Variants in STMN2 observed in about 807,000 individuals in gnomAD.
STMN2 encodes stathmin 2.
In STMN2, 2 loss-of-function variants were observed where a neutral mutation model predicts 24.1. That is an observed-to-expected ratio of 0.08 (90% CI 0.03 to 0.26). The LOEUF (loss-of-function observed/expected upper bound fraction) is 0.26, where lower values mean the gene tolerates loss of function less well. STMN2 is among the 10% of genes least tolerant of loss of function. The pLI is 1.00. For synonymous variants in STMN2, 83 were observed against 77.5 expected, an observed-to-expected ratio of 1.07 and a Z score of -0.37; for missense variants, 114 against 213.6, an observed-to-expected ratio of 0.53 and a Z score of 2.91.
At chr8:79,627,791 A>T (rs2130323963) in intron 1 of STMN2, among the ~76,000 whole-genome samples, 1 of 152,270 alleles carries the variant, frequency 6.6e-6, no homozygotes, top group South Asian at 2.1e-4. Flanking sequence ...CCTCCACCCT[A>T]GCCCCTGGAA....
intron 1 of STMN2, among the ~76,000 whole-genome samples, chr8:79,634,700 G>A (rs1809899584): frequency 6.6e-6 from 1 of 152,158 alleles, no homozygotes; most frequent in African/African-American, 2.4e-5. Flanking sequence ...TTGTAAAATT[G>A]GTGGTGAGGT....
intron 1 of STMN2, among the ~76,000 whole-genome samples, chr8:79,634,852 C>T (rs1009997630): frequency 3.3e-5 from 5 of 152,172 alleles, no homozygotes; most frequent in Admixed American, 6.5e-5. Context: ...TGAGAATCCT[C>T]TTTCCCAAGA....
At position 79,666,019 on chromosome 8, in the gene STMN2, C is replaced by T. The variant is rs1272578052; in HGVS notation, c.*1145C>T. On this transcript the variant is annotated 3_prime_UTR_variant, in exon 5 of 5. Transcript: ENST00000220876. ...CCAGATACCCACCATAAGTACCTAT[C>T]GCAGTTTTGAAGTCGTTTCTCCCCA... is the stretch of plus-strand genomic sequence containing the variant. The T allele has an allele frequency of 6.6e-6, 1 of 152,198 alleles. No homozygotes were observed. The highest frequency in any genetic ancestry group is 2.4e-5 in the African/African-American group (1 of 41,428). The allele number at this position is 152,198 out of a possible 1,614,324, so 9.4% of individuals were successfully genotyped here. A position where few individuals can be genotyped will look rare whatever the true frequency, so the allele number is the denominator to read the frequency against.
intron 2 of STMN2, among the ~76,000 whole-genome samples, chr8:79,639,745 T>C (rs954001908): frequency 6.6e-6 from 1 of 152,222 alleles, no homozygotes; most frequent in African/African-American, 2.4e-5. Context: ...ATGGCATATT[T>C]TGAAATATGT....
chr8:79,650,546 G>C (rs377679670), intron 3 of STMN2, among the ~76,000 whole-genome samples: 43 of 152,258 alleles, frequency 2.8e-4, no homozygotes, highest in African/African-American at 9.4e-4. Flanking sequence ...ATTGGAATTA[G>C]AGCCAATTTT....
chr8:79,636,904 A>T lies in STMN2; in HGVS notation c.115+7A>T. On this transcript the variant is annotated splice_region_variant and intron_variant, in intron 2 of 4. Transcript: ENST00000220876. ...AACATCTATACTTACGATGGTGAGTAACCTAGGATAGACATACCCCTGCTA... is the reference window on the plus strand; with the variant it reads ...AACATCTATACTTACGATGGTGAGTTACCTAGGATAGACATACCCCTGCTA... 6.2e-7 allele frequency: 1 copy of T among 1,612,646 alleles called. No individual in the cohort carries two copies. Among genetic ancestry groups the T allele is most frequent in the Non-Finnish European group, 8.5e-7 (1 of 1,178,794 alleles).
At chr8:79,618,335 A>G (rs1809430988) in intron 1 of STMN2, among the ~76,000 whole-genome samples, 1 of 152,232 alleles carries the variant, frequency 6.6e-6, no homozygotes. Flanking sequence ...GGCTCAGCAC[A>G]GCATCGATTT....
chr8:79,662,416 G>A (rs2130401520), intron 4 of STMN2, among the ~76,000 whole-genome samples: 1 of 152,092 alleles, frequency 6.6e-6, no homozygotes, highest in South Asian at 2.1e-4. Flanking sequence ...TAGATTCAAG[G>A]TCTAGTAATT....
chr8:79,635,739 A>G (rs1809930870), intron 1 of STMN2, among the ~76,000 whole-genome samples: 1 of 152,142 alleles, frequency 6.6e-6, no homozygotes, highest in African/African-American at 2.4e-5. Flanking sequence ...AGAACAATAA[A>G]CACTGTGGAC....
intron 1 of STMN2, among the ~76,000 whole-genome samples, chr8:79,612,233 G>T (rs1809253611): frequency 6.6e-6 from 1 of 152,170 alleles, no homozygotes; most frequent in South Asian, 2.1e-4. Flanking sequence ...CACTGACCCC[G>T]CCCTCCCCAC....
intron 1 of STMN2, among the ~76,000 whole-genome samples, chr8:79,623,199 A>G (rs1382556869): frequency 6.6e-6 from 1 of 152,230 alleles, no homozygotes; most frequent in Non-Finnish European, 1.5e-5. Context: ...GGATATGGAT[A>G]CTTAGAGTTT....
chr8:79,640,986 C>A (rs145854560), intron 2 of STMN2, among the ~76,000 whole-genome samples: 1 of 152,266 alleles, frequency 6.6e-6, no homozygotes, highest in East Asian at 1.9e-4. Flanking sequence ...CCAAAAAGGG[C>A]CTACAGCTAC....
At chr8:79,612,099 C>T (rs1197121811) in intron 1 of STMN2, among the ~76,000 whole-genome samples, 1 of 115,274 alleles carries the variant, frequency 8.7e-6, no homozygotes, top group Non-Finnish European at 1.8e-5. Context: ...CATCTTCATT[C>T]GAAAGGGGGT....
intron 1 of STMN2, among the ~76,000 whole-genome samples, chr8:79,615,161 G>A (rs749366010): frequency 3.3e-5 from 5 of 152,164 alleles, no homozygotes; most frequent in Non-Finnish European, 7.4e-5. Context: ...AGGATGAATC[G>A]ATACATATTG....
chr8:79,620,535 GA>G (rs965673696), intron 1 of STMN2, among the ~76,000 whole-genome samples: 2 of 151,876 alleles, frequency 1.3e-5, no homozygotes, highest in Non-Finnish European at 2.9e-5. Context: ...GTCTTTTGCA[GA>G]AAAAAAGATC....
intron 4 of STMN2, among the ~76,000 whole-genome samples, chr8:79,664,016 A>G (rs773863554): frequency 2.6e-5 from 4 of 152,216 alleles, no homozygotes; most frequent in Non-Finnish European, 4.4e-5. Flanking sequence ...CAGGCCCTCA[A>G]TGAGCTTACA....
intron 1 of STMN2, among the ~76,000 whole-genome samples, chr8:79,635,243 T>G (rs1809915635): frequency 6.6e-6 from 1 of 152,142 alleles, no homozygotes; most frequent in African/African-American, 2.4e-5. Context: ...CTCTTGCAAC[T>G]GCATGGCAAG....
intron 1 of STMN2, among the ~76,000 whole-genome samples, chr8:79,634,235 C>G (rs1169932053): frequency 6.6e-6 from 1 of 152,182 alleles, no homozygotes; most frequent in Admixed American, 6.5e-5. Flanking sequence ...GTTTTATGCT[C>G]TGGCAGAAAT....
At chr8:79,661,498 C>A (rs1646545282) in intron 4 of STMN2, among the ~76,000 whole-genome samples, 1 of 151,932 alleles carries the variant, frequency 6.6e-6, no homozygotes, top group African/African-American at 2.4e-5. Context: ...TTTGTGCAAC[C>A]ACTTACTGTT....
Sources: gnomAD v4.1 joint callset for allele counts (sites outside exome capture counted in the v4.1 genomes callset) on GRCh38, gnomAD v4.1.1 for gene constraint, MANE v1.5 for transcripts, NCBI Gene and HGNC (gene_info 2026-07-23, HGNC 2026-07-21) for gene names.